The following WDR45B variants were observed in gnomAD, a reference collection of about 807,000 sequenced individuals.
WDR45B encodes the protein WD repeat domain phosphoinositide-interacting protein 3.
Under a neutral mutation model 44.6 loss-of-function variants are expected in WDR45B, and 20 were observed. The ratio of observed to expected loss-of-function variants is 0.45; its 90% CI spans 0.32 to 0.65. The LOEUF (loss-of-function observed/expected upper bound fraction) is 0.65, where lower values mean the gene tolerates loss of function less well. WDR45B is among the 30% of genes least tolerant of loss of function. WDR45B has a pLI of 0.05. For synonymous variants in WDR45B, 169 were observed against 164.9 expected (o/e 1.02, Z -0.19); for missense variants, 323 against 430.2 (o/e 0.75, Z 2.20).
At position 82,615,707 on chromosome 17, in the gene WDR45B, C is replaced by T; in HGVS notation, c.*212G>A. ...GGCCGCCAGTCGAGCTGGTCACAGC[C>T]ACTGAGTTACCTACGGTGCCTTGAT... On this transcript the variant is annotated 3_prime_UTR_variant, in exon 10 of 10. Transcript: ENST00000392325. The T allele has an allele frequency of 1.7e-6, 1 of 584,580 alleles. No homozygotes were observed. Among genetic ancestry groups the T allele is most frequent in the South Asian group, 1.9e-5 (1 of 51,700 alleles). The allele number at this position is 584,580 out of a possible 1,614,324, so 36.2% of individuals were successfully genotyped here. A position where few individuals can be genotyped will look rare whatever the true frequency, so the allele number is the denominator to read the frequency against.
intron 3 of WDR45B, among the ~76,000 whole-genome samples, 195 bp from the exon 4 acceptor site, chr17:82,627,486 G>A (rs959192479): frequency 2.0e-5 from 3 of 152,358 alleles, no homozygotes; most frequent in East Asian, 1.9e-4. Flanking sequence ...CCAGGGATCC[G>A]CCCTCGGGCA....
intron 7 of WDR45B, among the ~76,000 whole-genome samples, 162 bp downstream of exon 7, chr17:82,618,881 T>C (rs2045574858): frequency 6.6e-6 from 1 of 152,168 alleles, no homozygotes; most frequent in Non-Finnish European, 1.5e-5. Context: ...TAATCACAAT[T>C]TAAAAAGCTG....
In WDR45B at chr17:82,642,340, T is replaced by G. The variant is rs1212474488; in HGVS notation, c.142+1609A>C. Among the ~76,000 whole-genome samples, 3 of 152,242 alleles carry G rather than the reference T, an allele frequency of 2.0e-5. No individual in the cohort carries two copies. The East Asian group carries it at 5.8e-4, about 29-fold the overall frequency. On this transcript the variant is annotated intron_variant, in intron 2 of 9. Coordinates refer to ENST00000392325, the MANE Select transcript of WDR45B (RefSeq NM_019613.4). ...CACGCGAGGGATGGAGGCTGCACGCTCCTCCTGAGACTCTAATGCCTGATG... is the reference window on the plus strand; with the variant it reads ...CACGCGAGGGATGGAGGCTGCACGCGCCTCCTGAGACTCTAATGCCTGATG...
intron 2 of WDR45B, among the ~76,000 whole-genome samples, chr17:82,641,506 T>C (rs1478090783): frequency 6.6e-6 from 1 of 152,150 alleles, no homozygotes; most frequent in African/African-American, 2.4e-5. Flanking sequence ...AACTCAAATC[T>C]TCTCCACCTG....
intron 1 of WDR45B, among the ~76,000 whole-genome samples, chr17:82,646,514 C>CAAAAAAAAAAAAAAAAAAAAAA (rs1568019681): frequency 4.6e-5 from 1 of 21,680 alleles, no homozygotes; most frequent in African/African-American, 2.5e-4. Flanking sequence ...AAAAAAAAAC[C>CAAAAAAAAAAAAAAAAAAAAAA]CAAAACAAAA....
chr17:82,621,250 C>T (rs976205631), intron 6 of WDR45B, among the ~76,000 whole-genome samples: 1 of 152,110 alleles, frequency 6.6e-6, no homozygotes, highest in Admixed American at 6.5e-5. Context: ...GACGGGGTTT[C>T]ACCATCTTGG....
chr17:82,616,824 A>T (rs1450803781), intron 8 of WDR45B, among the ~76,000 whole-genome samples, 179 bp from the exon 9 acceptor site: 80 of 149,704 alleles, frequency 5.3e-4, no homozygotes, highest in African/African-American at 1.5e-3. Flanking sequence ...TAAAAAAAAA[A>T]TTTTTTTTTT....
chr17:82,629,978 T>G, intron 3 of WDR45B: 1 of 652,526 alleles, frequency 1.5e-6, no homozygotes, highest in Non-Finnish European at 1.8e-6. Context: ...CCTCCCACCC[T>G]ACCCACCCAC....
chr17:82,616,048 T>TAA, intron 9 of WDR45B, 23 bp from the exon 10 acceptor site: 1 of 1,602,286 alleles, frequency 6.2e-7, no homozygotes, highest in Non-Finnish European at 8.5e-7. Flanking sequence ...GAGACCATTT[T>TAA]ACCTGTGTGT....
chr17:82,628,864 G>C (rs2045731855), intron 3 of WDR45B, among the ~76,000 whole-genome samples: 1 of 152,038 alleles, frequency 6.6e-6, no homozygotes. Context: ...GCCGGGTGTG[G>C]TGGGTGCTCC....
chr17:82,616,413 T>A, intron 9 of WDR45B, 111 bp downstream of exon 9: 1 of 1,561,422 alleles, frequency 6.4e-7, no homozygotes. Flanking sequence ...TGGGCGGCCA[T>A]CGGTGCCACA....
In WDR45B at chr17:82,642,219, G is replaced by C. The variant is rs533595836; in HGVS notation, c.142+1730C>G. Among the ~76,000 whole-genome samples the C allele has an allele frequency of 1.1e-4, 17 of 152,272 alleles. 1 individual carries two copies. In the South Asian group the frequency reaches 3.5e-3, roughly 32 times the overall value. On this transcript the variant is annotated intron_variant, in intron 2 of 9. Coordinates refer to ENST00000392325, the MANE Select transcript of WDR45B (RefSeq NM_019613.4). ...AACCAGGCTGCACAGCAGGACGCAA[G>C]CAGCAGGCGAACAAGCATCCCCACC...
chr17:82,646,112 C>T (rs1376119243), intron 1 of WDR45B, among the ~76,000 whole-genome samples: 1 of 143,346 alleles, frequency 7.0e-6, no homozygotes, highest in Non-Finnish European at 1.5e-5. Flanking sequence ...GAGCAAGATC[C>T]GTCTCGGAAA....
intron 5 of WDR45B, among the ~76,000 whole-genome samples, chr17:82,623,868 G>A (rs903038577): frequency 2.0e-5 from 3 of 152,060 alleles, no homozygotes; most frequent in Non-Finnish European, 2.9e-5. Context: ...AAACCACAAG[G>A]AGATGCCGTT....
intron 3 of WDR45B, chr17:82,629,687 C>T (rs2045743139): frequency 1.0e-6 from 1 of 984,768 alleles, no homozygotes; most frequent in South Asian, 4.7e-5. Flanking sequence ...CGAGTGTGGT[C>T]TCTCTTCCGC....
chr17:82,644,327 G>A (rs1568018307), intron 1 of WDR45B: 1 of 442,188 alleles, frequency 2.3e-6, no homozygotes, highest in Non-Finnish European at 4.2e-6. Flanking sequence ...TGACAAACGT[G>A]AAGGACACTT....
Position 82,631,034 on chromosome 17 carries a change from G to T in WDR45B, c.143-12C>A. The T allele has an allele frequency of 6.2e-7, 1 of 1,606,900 alleles. No individual in the cohort carries two copies. ...TCCTTCTAGAAATTCTGAAATGATAGTTTTAAAAAGACCAATGTTACAAGT... is the reference window on the plus strand; with the variant it reads ...TCCTTCTAGAAATTCTGAAATGATATTTTTAAAAAGACCAATGTTACAAGT... On this transcript the variant is annotated splice_polypyrimidine_tract_variant and intron_variant, in intron 2 of 9. Coordinates refer to ENST00000392325, the MANE Select transcript of WDR45B (RefSeq NM_019613.4).
intron 2 of WDR45B, among the ~76,000 whole-genome samples, chr17:82,632,107 A>G (rs1452309907): frequency 6.6e-6 from 1 of 152,018 alleles, no homozygotes; most frequent in Non-Finnish European, 1.5e-5. Context: ...ACAAAAATAA[A>G]AACAAACCAA....
intron 1 of WDR45B, among the ~76,000 whole-genome samples, chr17:82,646,543 A>G (rs1374449438): frequency 1.3e-5 from 2 of 151,820 alleles, no homozygotes; most frequent in Non-Finnish European, 1.5e-5. Flanking sequence ...AGAAACAAAA[A>G]TAAGTACAAA....
Sources: gnomAD v4.1 joint callset for allele counts (sites outside exome capture counted in the v4.1 genomes callset) on GRCh38, gnomAD v4.1.1 for gene constraint, MANE v1.5 for transcripts, NCBI Gene and HGNC (gene_info 2026-07-23, HGNC 2026-07-21) for gene names.